Variants in MYO1D observed in about 807,000 individuals in gnomAD.
The protein encoded by MYO1D is myosin ID, also known as unconventional myosin-Id.
MYO1D carries 83 observed loss-of-function variants against 122.0 expected under a neutral mutation model. The observed-to-expected ratio is 0.68, with a 90% CI of 0.57 to 0.82. MYO1D has a LOEUF of 0.82. MYO1D is among the 40% of genes least tolerant of loss of function. MYO1D has a pLI of 0.00. For synonymous variants in MYO1D, 464 were observed against 446.9 expected, an observed-to-expected ratio of 1.04 and a Z score of -0.48; for missense variants, 1,157 against 1,269.5, an observed-to-expected ratio of 0.91 and a Z score of 1.35.
intron 13 of MYO1D, among the ~76,000 whole-genome samples, chr17:32,743,360 T>C (rs958562218): frequency 3.3e-5 from 5 of 152,172 alleles, no homozygotes; most frequent in Non-Finnish European, 7.3e-5. Context: ...TAATTGGGTA[T>C]CCAAAATGCA....
chr17:32,583,197 A>G (rs1290594531), intron 21 of MYO1D, among the ~76,000 whole-genome samples: 1 of 152,130 alleles, frequency 6.6e-6, no homozygotes, highest in Non-Finnish European at 1.5e-5. Flanking sequence ...TACTTTAAAG[A>G]TGTTTCTCTA....
chr17:32,842,813 C>T (rs1354739377), intron 1 of MYO1D, among the ~76,000 whole-genome samples: 1 of 151,894 alleles, frequency 6.6e-6, no homozygotes, highest in Non-Finnish European at 1.5e-5. Flanking sequence ...ACCCAAATCA[C>T]TATTTCTTTC....
Position 32,776,016 on chromosome 17 carries a change from A to C in MYO1D, c.412T>G (p.Leu138Val). 1 of 1,613,750 alleles carries C rather than the reference A, an allele frequency of 6.2e-7. No homozygotes were observed. Among genetic ancestry groups the C allele is most frequent in the African/African-American group, 1.3e-5 (1 of 75,020 alleles). ...TCCAAAACACAGTTGGACTTAAGCA[A>C]CATATTCTTCACTCTTTAACACAGA... is the stretch of plus-strand genomic sequence containing the variant. The part of the protein sequence containing the change: ...RAEVERVKNM[L>V]LKSNCVLEAF... Residue 138 changes from leucine to valine, a missense_variant, in exon 4 of 22, where the codon TTG (leucine) becomes GTG (valine). By Grantham distance (32) the Leu-to-Val change is conservative (BLOSUM62 1). Transcript: ENST00000318217.
intron 1 of MYO1D, among the ~76,000 whole-genome samples, chr17:32,845,939 GAA>G (rs973875658): frequency 6.9e-6 from 1 of 143,896 alleles, no homozygotes; most frequent in Admixed American, 7.0e-5. Context: ...TACTGTAGAG[GAA>G]AAAAAAAAAA....
At chr17:32,571,575 C>T (rs569938854) in intron 21 of MYO1D, among the ~76,000 whole-genome samples, 1 of 152,094 alleles carries the variant, frequency 6.6e-6, no homozygotes, top group Non-Finnish European at 1.5e-5. Context: ...AGGGTGGAAA[C>T]TTCTATAAGT....
At chr17:32,554,210 C>T (rs985385412) in intron 21 of MYO1D, among the ~76,000 whole-genome samples, 8 of 152,132 alleles carry the variant, frequency 5.3e-5, no homozygotes, top group African/African-American at 1.9e-4. Context: ...CCTGCCCCTG[C>T]CCCTGCCCCT....
chr17:32,540,197 G>C (rs1177334361), intron 21 of MYO1D, among the ~76,000 whole-genome samples: 2 of 151,766 alleles, frequency 1.3e-5, no homozygotes, highest in Non-Finnish European at 2.9e-5. Context: ...GTACAAATTA[G>C]CCAAGTGTAG....
At chr17:32,704,120 T>A (rs904671458) in intron 16 of MYO1D, among the ~76,000 whole-genome samples, 1 of 152,164 alleles carries the variant, frequency 6.6e-6, no homozygotes, top group East Asian at 1.9e-4. Context: ...TGAAAACTTA[T>A]ATAGTTTCTT....
intron 1 of MYO1D, among the ~76,000 whole-genome samples, chr17:32,809,821 C>A (rs892158914): frequency 1.3e-5 from 2 of 152,192 alleles, no homozygotes; most frequent in Non-Finnish European, 2.9e-5. Context: ...CTTGGACAGG[C>A]CTTTTGCATC....
intron 1 of MYO1D, among the ~76,000 whole-genome samples, chr17:32,867,790 C>A: frequency 9.5e-6 from 1 of 105,164 alleles, no homozygotes. Flanking sequence ...CAGAGCAAGA[C>A]TCCGTCTCAA....
At chr17:32,857,682 T>C (rs1192305085) in intron 1 of MYO1D, among the ~76,000 whole-genome samples, 1 of 152,156 alleles carries the variant, frequency 6.6e-6, no homozygotes, top group African/African-American at 2.4e-5. Context: ...CACCCCTGCA[T>C]GGAATGCTCT....
At chr17:32,801,168 T>C (rs188821087) in intron 1 of MYO1D, among the ~76,000 whole-genome samples, 1 of 152,340 alleles carries the variant, frequency 6.6e-6, no homozygotes, top group Admixed American at 6.5e-5. Flanking sequence ...ATAAATAATA[T>C]TATTTACAAA....
chr17:32,563,204 CTCTTTTTTTTTT>C lies in MYO1D; in HGVS notation c.2864+41871_2864+41882del, dbSNP rs1483638143. ...GCAATTACAGCTCTTTTTTTCTTCT[CTCTTTTTTTTTT>C]TTTTTTTTTTTGAGACAGAGTCTTG... On this transcript the variant is annotated intron_variant, in intron 21 of 21. Transcript: ENST00000318217. Among the ~76,000 whole-genome samples, 17 of 105,140 alleles carry C rather than the reference CTCTTTTTTTTTT, an allele frequency of 1.6e-4. No homozygotes were observed. The South Asian group carries it at 4.2e-3, about 26-fold the overall frequency. The allele number at this position is 105,140 out of a possible 152,430, so 69.0% of individuals were successfully genotyped here.
chr17:32,803,204 T>C (rs1438604350), intron 1 of MYO1D, among the ~76,000 whole-genome samples: 1 of 152,180 alleles, frequency 6.6e-6, no homozygotes, highest in African/African-American at 2.4e-5. Flanking sequence ...TTGAGTGCAG[T>C]GGCGTGATCT....
At chr17:32,855,100 G>A (rs2091017167) in intron 1 of MYO1D, among the ~76,000 whole-genome samples, 1 of 152,190 alleles carries the variant, frequency 6.6e-6, no homozygotes, top group South Asian at 2.1e-4. Context: ...GATGCCATAT[G>A]TAAGGTCAAA....
chr17:32,640,535 C>A (rs2088182450), intron 19 of MYO1D, among the ~76,000 whole-genome samples: 1 of 135,112 alleles, frequency 7.4e-6, no homozygotes, highest in African/African-American at 2.8e-5. Flanking sequence ...TCCATGTGAT[C>A]TCATTGTTCA....
Position 32,780,600 on chromosome 17 carries a change from T to C in MYO1D, c.280A>G (p.Lys94Glu), listed in dbSNP as rs749619024. The stretch of plus-strand genomic sequence containing the variant: ...CCTGATATCACAATACAAGTGTCTT[T>C]TGATCGCCTCTTCATAGCCTTGTAA... ...AAYKAMKRRS[K>E]DTCIVISGES... Residue 94 changes from lysine (K) to glutamate (E), a missense_variant, in exon 2 of 22, where the codon AAA becomes GAA. Coordinates refer to ENST00000318217, the MANE Select transcript of MYO1D (RefSeq NM_015194.3). The C allele has an allele frequency of 3.7e-6, 6 of 1,614,132 alleles. No homozygotes were observed. The highest frequency in any genetic ancestry group is 5.1e-6 in the Non-Finnish European group (6 of 1,180,026).
rs1295732851 is a variant in MYO1D, at chr17:32,659,306, G to A, written c.2154C>T (p.Tyr718=). 1.9e-6 allele frequency: 3 copies of A among 1,614,060 alleles called. No individual in the cohort carries two copies. Among genetic ancestry groups the A allele is most frequent in the Non-Finnish European group, 2.5e-6 (3 of 1,180,034 alleles). Residue 718 remains tyrosine, a synonymous_variant, in exon 17 of 22, where the codon TAC becomes TAT. Coordinates refer to ENST00000318217, the MANE Select transcript of MYO1D (RefSeq NM_015194.3). ...TTGTCAGAGCTGCCTTGGTTCTTTT[G>A]TACCGCATGCGGGCCAGGGTGCCCC... ...VWRGTLARMR[Y]KRTKAALTII... is the part of the protein sequence containing the mutation.
intron 21 of MYO1D, among the ~76,000 whole-genome samples, chr17:32,513,830 TTTC>T (rs1909785699): frequency 6.6e-6 from 1 of 151,278 alleles, no homozygotes; most frequent in African/African-American, 2.4e-5. Context: ...GATTTCTTTC[TTTC>T]TTTTTTTTTT....
Sources: gnomAD v4.1 joint callset for allele counts (sites outside exome capture counted in the v4.1 genomes callset) on GRCh38, gnomAD v4.1.1 for gene constraint, MANE v1.5 for transcripts, NCBI Gene and HGNC (gene_info 2026-07-23, HGNC 2026-07-21) for gene names.